Variants in STARD7 observed in about 807,000 individuals in gnomAD.
STARD7 encodes stAR-related lipid transfer protein 7, mitochondrial.
STARD7 carries 30 observed loss-of-function variants against 45.3 expected under a neutral mutation model. That is an observed-to-expected ratio of 0.66 (90% CI 0.50 to 0.90). The LOEUF is 0.90. STARD7 is among the 40% of genes least tolerant of loss of function. STARD7 has a pLI of 0.00. For missense variants in STARD7, 495 were observed against 491.3 expected (o/e 1.01, Z -0.07); for synonymous variants, 199 against 183.0 (o/e 1.09, Z -0.70).
At position 96,208,319 on chromosome 2, in the gene STARD7, T is replaced by C. The variant is rs748441449; in HGVS notation, c.116A>G (p.Gln39Arg). The C allele has an allele frequency of 1.2e-6, 2 of 1,606,306 alleles. No individual in the cohort carries two copies. Among genetic ancestry groups the C allele is most frequent in the Non-Finnish European group, 8.5e-7 (1 of 1,178,166 alleles). ...GCGGCCGTAGAGCTGCGCGATCTGC[T>C]GCGCGCGCCGCACGCGCAGGCCCGT... The part of the protein sequence containing the change: ...FVTGLRVRRA[Q>R]QIAQLYGRLY... The change falls in exon 1 of 8, where the codon CAG becomes CGG. Residue 39 changes from glutamine (Q) to arginine (R), a missense_variant. Gln to Arg is a conservative substitution (Grantham distance 43, BLOSUM62 1). This residue lies in a region of STARD7 where 282 missense variants were observed against 220.1 expected (regional missense o/e 1.28). Coordinates refer to ENST00000337288, the MANE Select transcript of STARD7 (RefSeq NM_020151.4).
At chr2:96,187,331 TC>T (rs1201169941) in intron 6 of STARD7, 30 bp from the exon 7 acceptor site, 1 of 1,431,304 alleles carries the variant, frequency 7.0e-7, no homozygotes. Flanking sequence ...AAAATGAAGA[TC>T]CCTGAATCAC....
At chr2:96,195,662 A>G (rs1683191346) in intron 1 of STARD7, 113 bp from the exon 2 acceptor site, 1 of 729,836 alleles carries the variant, frequency 1.4e-6, no homozygotes, top group Non-Finnish European at 2.3e-6. Flanking sequence ...TATGTAGTAT[A>G]TAAACAGGAC....
Position 96,197,074 on chromosome 2 carries a change from A to ACT in STARD7, c.291-1526_291-1525insAG, listed in dbSNP as rs539093666. ...AGAGCGAAACTCCGTCTCAAAATAA[A>ACT]ATAAAATAAAATAAAATAAAATAAA... On this transcript the variant is annotated intron_variant, in intron 1 of 7. Transcript: ENST00000337288. Among the ~76,000 whole-genome samples, 130 of 128,188 alleles carry ACT rather than the reference A, an allele frequency of 1.0e-3. 9 individuals carry two copies. The East Asian group carries it at 0.011, about 11-fold the overall frequency. 84.1% of individuals were successfully genotyped at this position (128,188 alleles called of 152,430 possible).
At chr2:96,208,001 G>A (rs1007513634) in intron 1 of STARD7, 144 bp downstream of exon 1, 8 of 678,094 alleles carry the variant, frequency 1.2e-5, no homozygotes, top group Non-Finnish European at 1.9e-5. Context: ...AAATAACAAC[G>A]CGGTTTGCTG....
intron 3 of STARD7, 71 bp from the exon 4 acceptor site, chr2:96,193,423 C>G: frequency 1.0e-6 from 1 of 959,198 alleles, no homozygotes; most frequent in South Asian, 1.3e-5. Flanking sequence ...TTTCCAGATG[C>G]TTTGGTCTCT....
At chr2:96,206,788 G>A (rs1239710320) in intron 1 of STARD7, among the ~76,000 whole-genome samples, 1 of 123,504 alleles carries the variant, frequency 8.1e-6, no homozygotes, top group Admixed American at 1.0e-4. Flanking sequence ...GCGACAGAGC[G>A]AGACTCCGTC....
At chr2:96,194,097 AC>A (rs1322703387) in intron 3 of STARD7, among the ~76,000 whole-genome samples, 13 of 152,156 alleles carry the variant, frequency 8.5e-5, no homozygotes, top group South Asian at 2.1e-4. Context: ...AGTGACTCAC[AC>A]CTGTAATCCC....
chr2:96,198,870 G>A (rs1683263650), intron 1 of STARD7, among the ~76,000 whole-genome samples: 1 of 152,132 alleles, frequency 6.6e-6, no homozygotes, highest in Non-Finnish European at 1.5e-5. Flanking sequence ...TGATAATGAG[G>A]TAGGAGTCTA....
chr2:96,187,192 G>A, intron 7 of STARD7, 25 bp downstream of exon 7: 1 of 1,550,154 alleles, frequency 6.5e-7, no homozygotes, highest in South Asian at 1.1e-5. Context: ...CAGGTTCCAG[G>A]CCCTGTATAC....
chr2:96,206,465 T>C (rs561238611), intron 1 of STARD7, among the ~76,000 whole-genome samples: 7 of 152,050 alleles, frequency 4.6e-5, no homozygotes, highest in Non-Finnish European at 1.0e-4. Flanking sequence ...TATTTCATCA[T>C]CAAAACTGAA....
intron 1 of STARD7, among the ~76,000 whole-genome samples, chr2:96,200,366 A>G (rs1441844607): frequency 2.0e-5 from 3 of 152,182 alleles, no homozygotes; most frequent in Non-Finnish European, 4.4e-5. Context: ...GGCGGGACTC[A>G]CCGGCTGCAA....
Position 96,208,719 on chromosome 2 carries a change from C to T in STARD7, c.-285G>A. 2 of 408,650 alleles carry T rather than the reference C, an allele frequency of 4.9e-6. No homozygotes were observed. The highest frequency in any genetic ancestry group is 8.7e-6 in the Non-Finnish European group (2 of 231,046). 25.3% of individuals were successfully genotyped at this position (408,650 alleles called of 1,614,324 possible). A position where few individuals can be genotyped will look rare whatever the true frequency, so the allele number is the denominator to read the frequency against. The stretch of plus-strand genomic sequence containing the variant: ...ACCAGTCAGCCCTGTGGCTCCTCGG[C>T]GACCTCCAGCGGGCGCCCGGGGCCG... On this transcript the variant is annotated 5_prime_UTR_variant, in exon 1 of 8. Transcript: ENST00000337288.
rs1346878511 is a variant in STARD7, at chr2:96,186,023, C to T, written c.*707G>A. The T allele has an allele frequency of 6.6e-6, 1 of 152,132 alleles. No individual in the cohort carries two copies. The highest frequency in any genetic ancestry group is 1.5e-5 in the Non-Finnish European group (1 of 68,024). The allele number at this position is 152,132 out of a possible 1,614,324, so 9.4% of individuals were successfully genotyped here. On this transcript the variant is annotated 3_prime_UTR_variant, in exon 8 of 8. Coordinates refer to ENST00000337288, the MANE Select transcript of STARD7 (RefSeq NM_020151.4). ...AACTGGCCGATTCACAGGAAACTTGCTTTGGATAAGGTGAGTCAATGGGTG... is the reference window on the plus strand; with the variant it reads ...AACTGGCCGATTCACAGGAAACTTGTTTTGGATAAGGTGAGTCAATGGGTG...
rs958316629 is a variant in STARD7 at position 96,185,677 on chromosome 2, T to C, written c.*1053A>G. 2.6e-5 allele frequency: 4 copies of C among 152,230 alleles called. No homozygotes were observed. Among genetic ancestry groups the C allele is most frequent in the Non-Finnish European group, 4.4e-5 (3 of 68,044 alleles). The allele number at this position is 152,230 out of a possible 1,614,324, so 9.4% of individuals were successfully genotyped here. On this transcript the variant is annotated 3_prime_UTR_variant, in exon 8 of 8. Transcript: ENST00000337288. ...GATTACATCTATGCATTCACACAGC[T>C]TGTCTGTAGATCTGAGAGCTCCAAG... is the stretch of plus-strand genomic sequence containing the variant.
intron 1 of STARD7, among the ~76,000 whole-genome samples, chr2:96,207,484 G>C (rs888223036): frequency 1.3e-5 from 2 of 152,212 alleles, no homozygotes; most frequent in African/African-American, 2.4e-5. Context: ...ATTAACAAAC[G>C]TAATCAATGG....
At chr2:96,187,395 A>T in intron 6 of STARD7, 94 bp from the exon 7 acceptor site, 1 of 782,558 alleles carries the variant, frequency 1.3e-6, no homozygotes. Context: ...CTGATTCTGG[A>T]GCAGGGAGTG....
chr2:96,207,443 T>C (rs1196369512), intron 1 of STARD7, among the ~76,000 whole-genome samples: 1 of 152,202 alleles, frequency 6.6e-6, no homozygotes, highest in African/African-American at 2.4e-5. Context: ...CCCCATGACA[T>C]TACCTGGAAA....
intron 1 of STARD7, among the ~76,000 whole-genome samples, chr2:96,206,800 CAAAAAAA>C (rs61417989): frequency 8.1e-5 from 4 of 49,490 alleles, no homozygotes; most frequent in Non-Finnish European, 1.2e-4. Context: ...GACTCCGTCT[CAAAAAAA>C]AAAAAAAAAA....
chr2:96,194,179 G>C (rs1683168367), intron 3 of STARD7, among the ~76,000 whole-genome samples: 1 of 152,104 alleles, frequency 6.6e-6, no homozygotes, highest in African/African-American at 2.4e-5. Flanking sequence ...AGGAGACATA[G>C]GGAGACCCTG....
Sources: gnomAD v4.1 joint callset for allele counts (sites outside exome capture counted in the v4.1 genomes callset) on GRCh38, gnomAD v4.1.1 for gene constraint, gnomAD v4.1.1 regional missense constraint, MANE v1.5 for transcripts, NCBI Gene and HGNC (gene_info 2026-07-23, HGNC 2026-07-21) for gene names.